The following RALGPS1 variants were observed in gnomAD, a reference collection of about 807,000 sequenced individuals.
RALGPS1 encodes the protein ras-specific guanine nucleotide-releasing factor RalGPS1.
A neutral mutation model predicts 78.8 loss-of-function variants in RALGPS1; 19 were observed. The observed-to-expected ratio is 0.24, with a 90% CI of 0.17 to 0.35. The LOEUF is 0.35. Among genes scored for constraint, RALGPS1 ranks in the 10% least tolerant of loss-of-function variants. The pLI is 1.00. For synonymous variants in RALGPS1, 228 were observed against 256.3 expected (o/e 0.89, Z 1.06); for missense variants, 454 against 688.3 (o/e 0.66, Z 3.81).
chr9:127,170,170 A>G (rs987116490), intron 10 of RALGPS1, among the ~76,000 whole-genome samples: 2 of 152,158 alleles, frequency 1.3e-5, no homozygotes, highest in East Asian at 3.8e-4. Flanking sequence ...CCACAGAGAC[A>G]ACCCCCACGT....
chr9:126,937,738 GT>G (rs2036395687), intron 1 of RALGPS1, among the ~76,000 whole-genome samples: 1 of 152,180 alleles, frequency 6.6e-6, no homozygotes, highest in Non-Finnish European at 1.5e-5. Flanking sequence ...CTTCTCAGAA[GT>G]TTTACATAGC....
At chr9:127,188,827 T>C (rs2060833741) in intron 11 of RALGPS1, among the ~76,000 whole-genome samples, 1 of 42,196 alleles carries the variant, frequency 2.4e-5, no homozygotes, top group African/African-American at 8.3e-5. Context: ...AAACCCCATC[T>C]CTACTAAAAA....
chr9:126,915,029 A>ACGGGG (rs1006704180), intron 1 of RALGPS1, 54 bp downstream of exon 1: 61 of 145,164 alleles, frequency 4.2e-4, no homozygotes, highest in Middle Eastern at 3.5e-3. Flanking sequence ...GGCGCGGCCG[A>ACGGGG]CGGGGCGGGG....
At chr9:126,940,653 G>T (rs2036692415) in intron 1 of RALGPS1, among the ~76,000 whole-genome samples, 1 of 152,026 alleles carries the variant, frequency 6.6e-6, no homozygotes, top group Non-Finnish European at 1.5e-5. Flanking sequence ...GTGTTAGCCA[G>T]GACGGTCTCG....
At chr9:127,014,007 C>T (rs1196648040) in intron 4 of RALGPS1, among the ~76,000 whole-genome samples, 2 of 152,228 alleles carry the variant, frequency 1.3e-5, no homozygotes, top group African/African-American at 4.8e-5. Context: ...CCAAGCATTG[C>T]CTTGTCACTG....
intron 4 of RALGPS1, among the ~76,000 whole-genome samples, chr9:127,013,245 T>C (rs1034577853): frequency 6.6e-5 from 10 of 152,116 alleles, no homozygotes; most frequent in African/African-American, 2.2e-4. Context: ...GACTGGAGAA[T>C]AGAGTGGCCC....
chr9:127,132,046 A>C (rs967302051), intron 8 of RALGPS1, among the ~76,000 whole-genome samples: 2 of 152,236 alleles, frequency 1.3e-5, no homozygotes, highest in Non-Finnish European at 2.9e-5. Context: ...AAGGAGAGTC[A>C]GGACTGGGCT....
At chr9:127,014,187 A>G (rs2044610812) in intron 4 of RALGPS1, among the ~76,000 whole-genome samples, 1 of 152,228 alleles carries the variant, frequency 6.6e-6, no homozygotes, top group Non-Finnish European at 1.5e-5. Context: ...TCCAGCCTTA[A>G]AAAAGGGGTT....
intron 8 of RALGPS1, among the ~76,000 whole-genome samples, chr9:127,072,412 G>A (rs990787565): frequency 1.3e-5 from 2 of 152,018 alleles, no homozygotes; most frequent in African/African-American, 2.4e-5. Context: ...ACGAGGTTTC[G>A]CCATGTTGCC....
intron 1 of RALGPS1, among the ~76,000 whole-genome samples, chr9:126,950,185 G>A (rs555884109): frequency 7.3e-4 from 111 of 152,228 alleles, no homozygotes; most frequent in Non-Finnish European, 1.2e-3. Flanking sequence ...CTCTGTTTTG[G>A]TACCAGTACC....
chr9:127,128,860 G>C (rs2056813808), intron 8 of RALGPS1, among the ~76,000 whole-genome samples: 1 of 152,214 alleles, frequency 6.6e-6, no homozygotes, highest in Admixed American at 6.5e-5. Context: ...AGCCCTTTGA[G>C]GACACTGTGA....
chr9:127,059,796 G>C (rs1296877187), intron 7 of RALGPS1, among the ~76,000 whole-genome samples: 2 of 151,958 alleles, frequency 1.3e-5, no homozygotes, highest in African/African-American at 2.4e-5. Flanking sequence ...ATCAAACTTT[G>C]GTTTCCAGGA....
At chr9:127,136,554 C>G (rs1435141387) in intron 8 of RALGPS1, among the ~76,000 whole-genome samples, 2 of 151,926 alleles carry the variant, frequency 1.3e-5, no homozygotes, top group Non-Finnish European at 2.9e-5. Flanking sequence ...CTCTGAGCCT[C>G]CCTGTCCAGG....
intron 4 of RALGPS1, among the ~76,000 whole-genome samples, chr9:127,014,826 G>A (rs551063198): frequency 6.6e-6 from 1 of 152,210 alleles, no homozygotes; most frequent in African/African-American, 2.4e-5. Flanking sequence ...GGTCTCCTGT[G>A]TGGTTATCTT....
chr9:127,034,322 G>C (rs965299544), intron 4 of RALGPS1, 109 bp from the exon 5 acceptor site: 10 of 935,892 alleles, frequency 1.1e-5, no homozygotes, highest in East Asian at 4.9e-5. Context: ...AACAGCCAAG[G>C]TGTCAGCCCT....
intron 7 of RALGPS1, among the ~76,000 whole-genome samples, chr9:127,065,620 T>C (rs1375979294): frequency 6.6e-6 from 1 of 152,180 alleles, no homozygotes; most frequent in Non-Finnish European, 1.5e-5. Flanking sequence ...TTTTTTATTA[T>C]ATATAATAAA....
intron 4 of RALGPS1, among the ~76,000 whole-genome samples, chr9:127,008,444 G>C (rs963126162): frequency 6.6e-5 from 10 of 152,034 alleles, no homozygotes; most frequent in Non-Finnish European, 1.3e-4. Flanking sequence ...ATTACTGGCT[G>C]AAGTGTCTTT....
intron 8 of RALGPS1, among the ~76,000 whole-genome samples, chr9:127,098,090 G>A (rs939334281): frequency 4.6e-5 from 7 of 152,062 alleles, no homozygotes; most frequent in African/African-American, 1.7e-4. Context: ...CTCCACACAC[G>A]TTACTATATT....
intron 2 of RALGPS1, among the ~76,000 whole-genome samples, chr9:126,964,708 T>C (rs939536842): frequency 1.3e-5 from 2 of 151,596 alleles, no homozygotes; most frequent in Non-Finnish European, 2.9e-5. Context: ...AATCTTTTGA[T>C]GACACAGGCC....
Sources: allele counts gnomAD v4.1 joint callset (sites outside exome capture counted in the v4.1 genomes callset), GRCh38; gene constraint gnomAD v4.1.1; transcripts MANE v1.5; gene names NCBI Gene and HGNC (gene_info 2026-07-23, HGNC 2026-07-21).